CEP83: variants seen among roughly 807,000 people sequenced by gnomAD.
CEP83 encodes the protein centrosomal protein of 83 kDa.
In CEP83, 70 loss-of-function variants were observed where a neutral mutation model predicts 101.9. The observed-to-expected ratio is 0.69, with a 90% CI of 0.57 to 0.84. The LOEUF (loss-of-function observed/expected upper bound fraction) is 0.84. Ranked by LOEUF, CEP83 falls within the 40% of genes least tolerant of loss-of-function variation. The probability of loss-of-function intolerance (pLI) is 0.00; values close to 1 mark genes in which losing one functional copy is unlikely to be tolerated. For missense variants in CEP83, 715 were observed against 787.2 expected (o/e 0.91, Z 1.10); for synonymous variants, 264 against 267.9 (o/e 0.99, Z 0.14).
At chr12:94,368,911 T>C (rs1259849032) in intron 9 of CEP83, 1 of 152,202 alleles carries the variant, frequency 6.6e-6, no homozygotes, top group Non-Finnish European at 1.5e-5. Flanking sequence ...TCCCAGCTAC[T>C]GAGGAGGCTT....
At chr12:94,309,863 A>C in intron 16 of CEP83, 55 bp downstream of exon 16, 1 of 1,187,512 alleles carries the variant, frequency 8.4e-7, no homozygotes, top group Non-Finnish European at 1.1e-6. Flanking sequence ...ATTTAAACAT[A>C]AAAACCTACA....
intron 14 of CEP83, 185 bp from the exon 15 acceptor site, chr12:94,313,202 T>C (rs1291640181): frequency 1.7e-5 from 6 of 354,574 alleles, no homozygotes; most frequent in Non-Finnish European, 3.0e-5. Context: ...CACAAATCTA[T>C]CTAATATTCT....
At chr12:94,385,821 A>G (rs2062113055) in intron 6 of CEP83, among the ~76,000 whole-genome samples, 1 of 152,208 alleles carries the variant, frequency 6.6e-6, no homozygotes, top group African/African-American at 2.4e-5. Flanking sequence ...CAGTCCACAT[A>G]CATATGACAG....
At chr12:94,455,478 G>A (rs978822483) in intron 1 of CEP83, among the ~76,000 whole-genome samples, 2 of 152,206 alleles carry the variant, frequency 1.3e-5, no homozygotes, top group Non-Finnish European at 2.9e-5. Flanking sequence ...AAAGCATTCT[G>A]AGACTCAACT....
At chr12:94,307,464 C>CAA (rs1969169272), downstream of CEP83, 1 of 152,156 alleles carries the variant, frequency 6.6e-6, no homozygotes, top group African/African-American at 2.4e-5. Context: ...TTTCTATTTT[C>CAA]AAGTTTCTTT....
chr12:94,336,105 G>A (rs1405806914), intron 11 of CEP83, among the ~76,000 whole-genome samples: 2 of 152,078 alleles, frequency 1.3e-5, no homozygotes, highest in Non-Finnish European at 2.9e-5. Context: ...TCAGACACAC[G>A]CTACTTCATT....
At chr12:94,392,081 C>T (rs926245604) in intron 6 of CEP83, among the ~76,000 whole-genome samples, 2 of 152,118 alleles carry the variant, frequency 1.3e-5, no homozygotes, top group African/African-American at 2.4e-5. Context: ...GACAGATCAA[C>T]GAGACAGAAG....
At chr12:94,394,798 A>G (rs1002853176) in intron 6 of CEP83, among the ~76,000 whole-genome samples, 5 of 152,264 alleles carry the variant, frequency 3.3e-5, no homozygotes, top group African/African-American at 9.6e-5. Flanking sequence ...AACTCCATCA[A>G]AAAGTGGGCA....
chr12:94,410,094 C>T (rs2063786049), intron 4 of CEP83, among the ~76,000 whole-genome samples: 1 of 152,168 alleles, frequency 6.6e-6, no homozygotes, highest in Non-Finnish European at 1.5e-5. Flanking sequence ...ATGTTTGACA[C>T]AGACAGTGCA....
chr12:94,343,912 T>TTAAC (rs748644866), intron 11 of CEP83, among the ~76,000 whole-genome samples: 58 of 152,148 alleles, frequency 3.8e-4, no homozygotes, highest in Non-Finnish European at 7.3e-4. Context: ...AAGAGACAAT[T>TTAAC]AAGGTTAAAG....
chr12:94,447,084 T>C (rs902480456), intron 1 of CEP83, among the ~76,000 whole-genome samples: 11 of 152,172 alleles, frequency 7.2e-5, no homozygotes, highest in Admixed American at 2.6e-4. Context: ...TCAGCAAAAC[T>C]GCCCTTCAAA....
At position 94,395,079 on chromosome 12, in the gene CEP83, T is replaced by C. The variant is rs2062799524; in HGVS notation, c.549+5771A>G. Among the ~76,000 whole-genome samples the C allele has an allele frequency of 2.0e-5, 3 of 152,066 alleles. No homozygotes were observed. In the South Asian group the frequency reaches 6.2e-4, roughly 32 times the overall value. ...ACAGTGTGGCAATCCCTCAAGGATCTAGAACTAGAAATACCATTTGATCCA... is the reference window on the plus strand; with the variant it reads ...ACAGTGTGGCAATCCCTCAAGGATCCAGAACTAGAAATACCATTTGATCCA... On this transcript the variant is annotated intron_variant, in intron 6 of 16. Coordinates refer to ENST00000397809, the MANE Select transcript of CEP83 (RefSeq NM_016122.3).
intron 14 of CEP83, among the ~76,000 whole-genome samples, chr12:94,317,076 G>A (rs1373608375): frequency 3.3e-5 from 5 of 152,070 alleles, no homozygotes; most frequent in South Asian, 2.1e-4. Flanking sequence ...CCACAACCTC[G>A]CCAGAATCTG....
intron 8 of CEP83, among the ~76,000 whole-genome samples, chr12:94,375,091 A>G (rs1357342911): frequency 6.6e-6 from 1 of 152,170 alleles, no homozygotes; most frequent in African/African-American, 2.4e-5. Flanking sequence ...TAGTGATGAA[A>G]ACAATGTCCC....
At chr12:94,445,714 C>T (rs949420616) in intron 1 of CEP83, among the ~76,000 whole-genome samples, 4 of 152,096 alleles carry the variant, frequency 2.6e-5, no homozygotes, top group Non-Finnish European at 5.9e-5. Context: ...ATTAAGTAAA[C>T]ATTTGTTTGT....
intron 11 of CEP83, among the ~76,000 whole-genome samples, chr12:94,355,846 T>C (rs1216934121): frequency 1.3e-5 from 2 of 152,242 alleles, no homozygotes; most frequent in South Asian, 4.1e-4. Context: ...GCCCATCCTT[T>C]CGTTTCCCTT....
chr12:94,288,605 G>A, the CEP83 span, among the ~76,000 whole-genome samples: 7 of 152,368 alleles, frequency 4.6e-5, no homozygotes, highest in East Asian at 1.3e-3. Context: ...TGACCAGCCT[G>A]TGGAGGATGT....
intron 14 of CEP83, among the ~76,000 whole-genome samples, chr12:94,324,464 C>T (rs138877301): frequency 1.3e-5 from 2 of 152,288 alleles, no homozygotes; most frequent in East Asian, 3.9e-4. Context: ...TAGTTAATAT[C>T]TATAGATAGA....
At position 94,459,699 on chromosome 12, in the gene CEP83, G is replaced by C. The variant is rs1184343326; in HGVS notation, c.-297C>G. The C allele has an allele frequency of 1.3e-5, 2 of 152,602 alleles. No homozygotes were observed. The highest frequency in any genetic ancestry group is 4.8e-5 in the African/African-American group (2 of 41,474). 9.5% of individuals were successfully genotyped at this position (152,602 alleles called of 1,614,324 possible). Reference sequence around the variant, plus strand: ...CGCTTACGGAGGCATTGGGACTAAGGGTTACGGTCCTACAGCGGGGTGTCG... The same window carrying C: ...CGCTTACGGAGGCATTGGGACTAAGCGTTACGGTCCTACAGCGGGGTGTCG... On this transcript the variant is annotated 5_prime_UTR_variant, in exon 1 of 17. Coordinates refer to ENST00000397809, the MANE Select transcript of CEP83 (RefSeq NM_016122.3).
Sources: gnomAD v4.1 joint callset for allele counts (sites outside exome capture counted in the v4.1 genomes callset) on GRCh38, gnomAD v4.1.1 for gene constraint, MANE v1.5 for transcripts, NCBI Gene and HGNC (gene_info 2026-07-23, HGNC 2026-07-21) for gene names.